Variants in DAB1 observed in about 807,000 individuals in gnomAD.
The protein encoded by DAB1 is disabled homolog 1.
DAB1 carries 15 observed loss-of-function variants against 64.6 expected under a neutral mutation model. The ratio of observed to expected loss-of-function variants is 0.23; its 90% CI spans 0.16 to 0.36. The LOEUF (loss-of-function observed/expected upper bound fraction) is 0.36, where lower values mean the gene tolerates loss of function less well. Ranked by LOEUF, DAB1 falls within the 10% of genes least tolerant of loss-of-function variation. DAB1 has a pLI of 1.00. For synonymous variants in DAB1, 235 were observed against 251.9 expected, an observed-to-expected ratio of 0.93 and a Z score of 0.64; for missense variants, 596 against 706.7, an observed-to-expected ratio of 0.84 and a Z score of 1.78.
At chr1:57,617,360 G>C (rs905542070) in intron 7 of DAB1, among the ~76,000 whole-genome samples, 1 of 151,978 alleles carries the variant, frequency 6.6e-6, no homozygotes, top group Admixed American at 6.6e-5. Context: ...CCACATCCTT[G>C]TTTAACTTTC....
chr1:58,006,584 A>G (rs761503051), intron 5 of DAB1, among the ~76,000 whole-genome samples: 1 of 152,166 alleles, frequency 6.6e-6, no homozygotes, highest in Non-Finnish European at 1.5e-5. Context: ...TGACTTTTCA[A>G]TGTTCAATAA....
chr1:57,487,366 G>A lies in DAB1; in HGVS notation n.625+162226C>T, dbSNP rs768580083. On this transcript the variant is annotated intron_variant and non_coding_transcript_variant, in intron 7 of 20. Transcript: ENST00000485760. The stretch of plus-strand genomic sequence containing the variant: ...CAGCTTGGCTTACTCCCAGATGCCC[G>A]CTGGCTGTGAGAACAACTGTGAACT... Among the ~76,000 whole-genome samples the A allele has an allele frequency of 3.3e-5, 5 of 152,088 alleles. No homozygotes were observed. In the East Asian group the frequency reaches 5.8e-4, roughly 18 times the overall value.
upstream of DAB1, among the ~76,000 whole-genome samples, chr1:57,887,974 T>C (rs1189385092): frequency 6.6e-6 from 1 of 152,226 alleles, no homozygotes; most frequent in East Asian, 1.9e-4. Context: ...CCAGAATGTC[T>C]GACAATCAGT....
intron 5 of DAB1, among the ~76,000 whole-genome samples, chr1:57,924,495 T>C (rs1353688584): frequency 6.6e-6 from 1 of 152,140 alleles, no homozygotes; most frequent in Non-Finnish European, 1.5e-5. Context: ...AGTCTCGCTT[T>C]GTTGCCCAGG....
intron 7 of DAB1, among the ~76,000 whole-genome samples, chr1:57,583,546 A>G (rs1020237623): frequency 6.6e-6 from 1 of 151,968 alleles, no homozygotes; most frequent in East Asian, 1.9e-4. Context: ...CAGCCTCCCA[A>G]AGTGCTGGGA....
chr1:58,438,119 C>A (rs2100259044), intron 3 of DAB1, among the ~76,000 whole-genome samples: 1 of 152,284 alleles, frequency 6.6e-6, no homozygotes, highest in African/African-American at 2.4e-5. Context: ...ATCCGTCTGT[C>A]CTTCCATTCT....
At chr1:57,928,371 T>C (rs750809917) in intron 5 of DAB1, among the ~76,000 whole-genome samples, 1 of 152,034 alleles carries the variant, frequency 6.6e-6, no homozygotes, top group Non-Finnish European at 1.5e-5. Flanking sequence ...TCCACCCCCA[T>C]ACATGTATAG....
chr1:57,734,421 A>G (rs1158207583), intron 6 of DAB1, among the ~76,000 whole-genome samples: 1 of 152,222 alleles, frequency 6.6e-6, no homozygotes, highest in Non-Finnish European at 1.5e-5. Flanking sequence ...ATATATAGAG[A>G]AAAATGACCA....
intron 5 of DAB1, among the ~76,000 whole-genome samples, chr1:58,116,219 A>G (rs1032217387): frequency 3.3e-5 from 5 of 152,148 alleles, no homozygotes; most frequent in African/African-American, 9.7e-5. Context: ...CCTGGCACTG[A>G]GGCAACCACT....
intron 3 of DAB1, among the ~76,000 whole-genome samples, chr1:58,368,080 G>C (rs1644232387): frequency 6.6e-6 from 1 of 152,162 alleles, no homozygotes; most frequent in Non-Finnish European, 1.5e-5. Flanking sequence ...CACACTTGGG[G>C]AACTTTTACA....
At chr1:57,839,245 T>C (rs949653258) in intron 1 of DAB1, among the ~76,000 whole-genome samples, 4 of 152,190 alleles carry the variant, frequency 2.6e-5, no homozygotes, top group African/African-American at 9.6e-5. Flanking sequence ...GACTCAGGCC[T>C]CAGACTCCTG....
chr1:58,162,691 T>C (rs777869579), intron 4 of DAB1, among the ~76,000 whole-genome samples: 13 of 152,220 alleles, frequency 8.5e-5, no homozygotes, highest in Non-Finnish European at 1.3e-4. Context: ...TGAATATGGA[T>C]GTAAGTCATC....
chr1:57,636,179 A>C (rs11207081), intron 7 of DAB1, among the ~76,000 whole-genome samples: 73,391 of 150,180 alleles, frequency 0.49, 18,687 homozygotes, highest in East Asian at 0.69. Flanking sequence ...CCCATTCTCT[A>C]CCCGAGTGTG....
chr1:57,794,723 T>C (rs1357372907), intron 6 of DAB1, among the ~76,000 whole-genome samples: 1 of 152,212 alleles, frequency 6.6e-6, no homozygotes, highest in Non-Finnish European at 1.5e-5. Context: ...CATACTTTAT[T>C]TATTTATTAC....
chr1:58,182,600 A>G (rs1431156892), intron 4 of DAB1, among the ~76,000 whole-genome samples: 3 of 151,880 alleles, frequency 2.0e-5, no homozygotes, highest in African/African-American at 7.3e-5. Flanking sequence ...TTTTGTTTCA[A>G]TTACTGTAGT....
intron 1 of DAB1, among the ~76,000 whole-genome samples, chr1:57,304,293 C>G (rs757058357): frequency 6.6e-6 from 1 of 152,088 alleles, no homozygotes; most frequent in Non-Finnish European, 1.5e-5. Context: ...AGGGATGGCT[C>G]TAAACAATTC....
intron 5 of DAB1, among the ~76,000 whole-genome samples, chr1:58,146,138 T>C (rs1034874335): frequency 6.6e-6 from 1 of 152,182 alleles, no homozygotes; most frequent in Non-Finnish European, 1.5e-5. Flanking sequence ...TAATTGACTG[T>C]TTAGGTTATT....
At chr1:58,289,040 A>G (rs1661755745) in intron 4 of DAB1, among the ~76,000 whole-genome samples, 1 of 152,168 alleles carries the variant, frequency 6.6e-6, no homozygotes, top group African/African-American at 2.4e-5. Flanking sequence ...TAATAATGCT[A>G]TGGTCTCTCT....
chr1:58,216,713 A>G (rs1221054048), intron 4 of DAB1, among the ~76,000 whole-genome samples: 5 of 152,164 alleles, frequency 3.3e-5, no homozygotes, highest in African/African-American at 1.2e-4. Flanking sequence ...CTTTTTAATG[A>G]TCGCCATTCT....
Sources: allele counts gnomAD v4.1 joint callset (sites outside exome capture counted in the v4.1 genomes callset), GRCh38; gene constraint gnomAD v4.1.1; transcripts MANE v1.5; gene names NCBI Gene and HGNC (gene_info 2026-07-23, HGNC 2026-07-21).